VRK1: variants seen among roughly 807,000 people sequenced by gnomAD.
VRK1 encodes VRK serine/threonine kinase 1.
Under a neutral mutation model 57.1 loss-of-function variants are expected in VRK1, and 33 were observed. The ratio of observed to expected loss-of-function variants is 0.58; its 90% CI spans 0.44 to 0.77. The LOEUF (loss-of-function observed/expected upper bound fraction) is 0.77, where lower values mean the gene tolerates loss of function less well. Among genes scored for constraint, VRK1 ranks in the 30% least tolerant of loss-of-function variants. The probability of loss-of-function intolerance (pLI) is 0.00; values close to 1 mark genes in which losing one functional copy is unlikely to be tolerated. For missense variants in VRK1, 413 were observed against 477.3 expected, an observed-to-expected ratio of 0.87 and a Z score of 1.25; for synonymous variants, 137 against 147.8, an observed-to-expected ratio of 0.93 and a Z score of 0.53.
At chr14:96,856,456 G>A in intron 9 of VRK1, 72 bp from the exon 10 acceptor site, 1 of 1,410,162 alleles carries the variant, frequency 7.1e-7, no homozygotes, top group South Asian at 1.2e-5. Context: ...ATAGCTTAAT[G>A]TGCTATATAT....
intron 11 of VRK1, among the ~76,000 whole-genome samples, chr14:96,861,938 T>A (rs1888405509): frequency 6.6e-6 from 1 of 152,218 alleles, no homozygotes; most frequent in South Asian, 2.1e-4. Flanking sequence ...GCAGCATGTT[T>A]CTTATTGCTC....
intron 11 of VRK1, among the ~76,000 whole-genome samples, chr14:96,863,450 A>G (rs1888465536): frequency 7.9e-5 from 12 of 152,156 alleles, no homozygotes. Context: ...TGGGTTAAGA[A>G]CAGCTTAATT....
chr14:96,846,092 A>T lies in VRK1; in HGVS notation c.217-3A>T. On this transcript the variant is annotated splice_polypyrimidine_tract_variant and splice_region_variant and intron_variant, in intron 3 of 12. Transcript: ENST00000216639. ...TAGTACTAATTAACTCTTATATTTTAAGGAACCCAGTGACAATGGACCTCT... is the reference window on the plus strand; with the variant it reads ...TAGTACTAATTAACTCTTATATTTTTAGGAACCCAGTGACAATGGACCTCT... 6.2e-7 allele frequency: 1 copy of T among 1,612,898 alleles called. No individual in the cohort carries two copies. The highest frequency in any genetic ancestry group is 8.5e-7 in the Non-Finnish European group (1 of 1,179,114).
At chr14:96,803,803 A>G (rs1480199477) in intron 1 of VRK1, among the ~76,000 whole-genome samples, 1 of 152,072 alleles carries the variant, frequency 6.6e-6, no homozygotes, top group Non-Finnish European at 1.5e-5. Context: ...TGATGATTTC[A>G]TGTGCTTATT....
At chr14:96,821,628 TTACAGTC>T (rs1016343636) in intron 1 of VRK1, among the ~76,000 whole-genome samples, 1 of 152,184 alleles carries the variant, frequency 6.6e-6, no homozygotes, top group Non-Finnish European at 1.5e-5. Flanking sequence ...CCTTGCCCCC[TTACAGTC>T]TATTCTTGAT....
At chr14:96,867,137 G>C (rs577616440) in intron 11 of VRK1, among the ~76,000 whole-genome samples, 1 of 152,104 alleles carries the variant, frequency 6.6e-6, no homozygotes, top group African/African-American at 2.4e-5. Flanking sequence ...TGAGTCTAAC[G>C]TATTTTGTGT....
chr14:96,820,378 C>T (rs868008111), intron 1 of VRK1, among the ~76,000 whole-genome samples: 1 of 152,140 alleles, frequency 6.6e-6, no homozygotes, highest in African/African-American at 2.4e-5. Flanking sequence ...GGATCAGCAT[C>T]GATGATTGCT....
intron 1 of VRK1, among the ~76,000 whole-genome samples, chr14:96,810,938 T>G (rs1379325073): frequency 6.6e-6 from 1 of 151,838 alleles, no homozygotes; most frequent in Non-Finnish European, 1.5e-5. Context: ...TTCTGATTTT[T>G]TTTTTTAATT....
intron 10 of VRK1, among the ~76,000 whole-genome samples, chr14:96,857,299 G>T (rs1229729749): frequency 2.0e-5 from 3 of 152,068 alleles, no homozygotes; most frequent in Admixed American, 6.6e-5. Context: ...TAGTGAGGAG[G>T]ACTGTAATTT....
At chr14:96,856,652 C>A in intron 10 of VRK1, 66 bp downstream of exon 10, 1 of 1,337,246 alleles carries the variant, frequency 7.5e-7, no homozygotes, top group South Asian at 1.2e-5. Flanking sequence ...GCATGATATC[C>A]ATGGAATAGC....
chr14:96,822,067 TC>T (rs1886622945), intron 1 of VRK1, among the ~76,000 whole-genome samples: 1 of 137,422 alleles, frequency 7.3e-6, no homozygotes, highest in Non-Finnish European at 1.6e-5. Flanking sequence ...CGCCCCCAAC[TC>T]CCTGTCCCTG....
chr14:96,864,395 CTCTTT>C (rs2139822605), intron 11 of VRK1, among the ~76,000 whole-genome samples: 1 of 152,236 alleles, frequency 6.6e-6, no homozygotes, highest in South Asian at 2.1e-4. Flanking sequence ...ATATTACATA[CTCTTT>C]TGTTTCTTTC....
At chr14:96,858,205 C>T (rs1888244403) in intron 10 of VRK1, among the ~76,000 whole-genome samples, 1 of 152,134 alleles carries the variant, frequency 6.6e-6, no homozygotes, top group Admixed American at 6.5e-5. Context: ...GATCTTCCCA[C>T]CTCAGTCTCT....
intron 1 of VRK1, among the ~76,000 whole-genome samples, chr14:96,823,291 G>A (rs902278716): frequency 6.6e-6 from 1 of 152,220 alleles, no homozygotes; most frequent in African/African-American, 2.4e-5. Flanking sequence ...TTGAGGTATA[G>A]CAAGTGCCTA....
At chr14:96,859,673 G>C (rs1234539399) in intron 10 of VRK1, among the ~76,000 whole-genome samples, 2 of 152,144 alleles carry the variant, frequency 1.3e-5, no homozygotes, top group Admixed American at 6.6e-5. Context: ...GTGTGTGTGT[G>C]TGTAGAACTG....
chr14:96,836,128 T>A (rs529130055), intron 2 of VRK1, among the ~76,000 whole-genome samples: 1 of 152,320 alleles, frequency 6.6e-6, no homozygotes, highest in Admixed American at 6.5e-5. Flanking sequence ...GCTTTAAAAA[T>A]TTTTTTAATA....
At chr14:96,845,251 C>T (rs1887635154) in intron 3 of VRK1, among the ~76,000 whole-genome samples, 1 of 151,884 alleles carries the variant, frequency 6.6e-6, no homozygotes, top group Admixed American at 6.6e-5. Flanking sequence ...ACACAAAATA[C>T]CAGACATTAA....
chr14:96,875,688 A>T (rs1889000045), intron 11 of VRK1, among the ~76,000 whole-genome samples: 1 of 152,202 alleles, frequency 6.6e-6, no homozygotes, highest in Non-Finnish European at 1.5e-5. Flanking sequence ...TTTGTAAAAC[A>T]TTTTGTTTTA....
At chr14:96,875,596 A>G (rs1296924520) in intron 11 of VRK1, among the ~76,000 whole-genome samples, 2 of 152,160 alleles carry the variant, frequency 1.3e-5, no homozygotes, top group Non-Finnish European at 2.9e-5. Context: ...CATTTTTTCC[A>G]TTTATCAAAT....
Sources: allele counts gnomAD v4.1 joint callset (sites outside exome capture counted in the v4.1 genomes callset), GRCh38; gene constraint gnomAD v4.1.1; transcripts MANE v1.5; gene names NCBI Gene and HGNC (gene_info 2026-07-23, HGNC 2026-07-21).